Variants in RCN2 observed in about 807,000 individuals in gnomAD.
The protein encoded by RCN2 is reticulocalbin 2.
RCN2 carries 23 observed loss-of-function variants against 37.5 expected under a neutral mutation model. The observed-to-expected ratio is 0.61, with a 90% CI of 0.44 to 0.87. The LOEUF is 0.87. RCN2 is among the 40% of genes least tolerant of loss of function. RCN2 has a pLI of 0.00. For missense variants in RCN2, 381 were observed against 390.4 expected (o/e 0.98, Z 0.20); for synonymous variants, 140 against 144.6 (o/e 0.97, Z 0.23).
intron 5 of RCN2, 54 bp from the exon 6 acceptor site, chr15:76,948,356 A>G: frequency 7.7e-7 from 1 of 1,291,782 alleles, no homozygotes; most frequent in Non-Finnish European, 1.1e-6. Flanking sequence ...CAAACTTCTT[A>G]TTGGATACAT....
At chr15:76,940,545 C>CT (rs2075272554) in intron 3 of RCN2, among the ~76,000 whole-genome samples, 1 of 131,372 alleles carries the variant, frequency 7.6e-6, no homozygotes, top group South Asian at 2.4e-4. Context: ...CTGAACTTCA[C>CT]CTTTTTTTTT....
Position 76,949,071 on chromosome 15 carries a change from C to A in RCN2, c.803C>A (p.Ala268Glu), listed in dbSNP as rs539579177. Residue 268 changes from alanine to glutamate, a missense_variant and splice_region_variant, in exon 7 of 7, where the codon GCG (alanine) becomes GAG (glutamate). Physicochemically the swap from Ala to Glu is moderately radical, Grantham distance 107 (BLOSUM62 -1). Coordinates refer to ENST00000394885, the MANE Select transcript of RCN2 (RefSeq NM_002902.3). ...ACACTTTTTTGTTTTATTTTGAAGG[C>A]GCTTCATCTAATTGATGAAATGGAT... ...PNNQGIAQEE[A>E]LHLIDEMDLN... The A allele has an allele frequency of 5.0e-6, 8 of 1,590,606 alleles. No individual in the cohort carries two copies. Among genetic ancestry groups the A allele is most frequent in the Non-Finnish European group, 6.8e-6 (8 of 1,171,582 alleles).
In RCN2 at chr15:76,954,039, G is replaced by GTTTTTTTTTTTTTT. The variant is rs60194309; in HGVS notation, c.*4830_*4831insTTTTTTTTTTTTTT. On this transcript the variant is annotated 3_prime_UTR_variant, in exon 7 of 7. Coordinates refer to ENST00000394885, the MANE Select transcript of RCN2 (RefSeq NM_002902.3). ...TCCTTACCAACACTTGCTATTTTCT[G>GTTTTTTTTTTTTTT]TTTTTTTTTTTTTCTTTTTTTTTTT... The GTTTTTTTTTTTTTT allele has an allele frequency of 7.6e-6, 1 of 131,000 alleles. No individual in the cohort carries two copies. Among genetic ancestry groups the GTTTTTTTTTTTTTT allele is most frequent in the African/African-American group, 3.0e-5 (1 of 33,680 alleles). The allele number at this position is 131,000 out of a possible 1,614,324, so 8.1% of individuals were successfully genotyped here.
chr15:76,944,512 G>A (rs937737637), intron 4 of RCN2, among the ~76,000 whole-genome samples: 4 of 151,602 alleles, frequency 2.6e-5, no homozygotes, highest in African/African-American at 4.9e-5. Flanking sequence ...TGTTCTCAGC[G>A]CCCCCTCCCC....
intron 3 of RCN2, among the ~76,000 whole-genome samples, chr15:76,939,899 T>A (rs1346155195): frequency 1.3e-5 from 2 of 152,192 alleles, no homozygotes; most frequent in Non-Finnish European, 2.9e-5. Context: ...GAGAAGAAAA[T>A]CTTCACTTTG....
intron 3 of RCN2, chr15:76,941,773 T>TA: frequency 4.5e-6 from 3 of 671,610 alleles, no homozygotes; most frequent in Non-Finnish European, 6.9e-6. Context: ...TTTTTTTTTT[T>TA]AAAGAAATCT....
intron 3 of RCN2, among the ~76,000 whole-genome samples, chr15:76,937,143 T>A (rs2075254205): frequency 6.6e-6 from 1 of 152,218 alleles, no homozygotes. Flanking sequence ...AATATTCTGT[T>A]GTATGTACAG....
Position 76,951,325 on chromosome 15 carries a change from T to G in RCN2, c.*2103T>G, listed in dbSNP as rs574545577. On this transcript the variant is annotated 3_prime_UTR_variant, in exon 7 of 7. Coordinates refer to ENST00000394885, the MANE Select transcript of RCN2 (RefSeq NM_002902.3). ...ATCAGACTATCTCATGACAAACCCT[T>G]TTCCTCTGCCACAGCACTGTGCAGG... is the stretch of plus-strand genomic sequence containing the variant. 1.3e-5 allele frequency: 2 copies of G among 152,334 alleles called. No individual in the cohort carries two copies. Among genetic ancestry groups the G allele is most frequent in the East Asian group, 3.9e-4 (2 of 5,186 alleles). The allele number at this position is 152,334 out of a possible 1,614,324, so 9.4% of individuals were successfully genotyped here.
At chr15:76,946,025 G>A (rs985894403) in intron 4 of RCN2, among the ~76,000 whole-genome samples, 1 of 152,204 alleles carries the variant, frequency 6.6e-6, no homozygotes, top group Non-Finnish European at 1.5e-5. Context: ...ACCAGTAAAA[G>A]CAATGAAATA....
chr15:76,948,558 T>A lies in RCN2; in HGVS notation c.801+6T>A, dbSNP rs757394903. 11 of 1,551,220 alleles carry A rather than the reference T, an allele frequency of 7.1e-6. No individual in the cohort carries two copies. The South Asian group carries it at 1.3e-4, about 19-fold the overall frequency. ...AGGGCATTGCACAAGAGGAGGTAAGTGTTACAGAACAACTGTTTCTCTCCA... is the reference window on the plus strand; with the variant it reads ...AGGGCATTGCACAAGAGGAGGTAAGAGTTACAGAACAACTGTTTCTCTCCA... On this transcript the variant is annotated splice_donor_region_variant and intron_variant, in intron 6 of 6. Coordinates refer to ENST00000394885, the MANE Select transcript of RCN2 (RefSeq NM_002902.3).
chr15:76,940,421 T>C (rs994165763), intron 3 of RCN2, among the ~76,000 whole-genome samples: 1 of 152,056 alleles, frequency 6.6e-6, no homozygotes, highest in Admixed American at 6.6e-5. Context: ...CTCAAAGTTA[T>C]AGACTAAACA....
intron 3 of RCN2, chr15:76,941,377 G>C (rs936717504): frequency 3.4e-6 from 1 of 290,458 alleles, no homozygotes; most frequent in African/African-American, 2.2e-5. Flanking sequence ...TGGCTAATCA[G>C]AATTTTTAAT....
At chr15:76,935,761 C>A in intron 3 of RCN2, 39 bp downstream of exon 3, 1 of 1,507,560 alleles carries the variant, frequency 6.6e-7, no homozygotes, top group Non-Finnish European at 9.1e-7. Flanking sequence ...TTGATCATGT[C>A]AGTTCACTTT....
chr15:76,937,368 A>G (rs2075255697), intron 3 of RCN2, among the ~76,000 whole-genome samples: 1 of 151,432 alleles, frequency 6.6e-6, no homozygotes, highest in African/African-American at 2.4e-5. Context: ...GAGAAACCAC[A>G]GTACCATTTT....
rs1021900955 is a variant in RCN2, at chr15:76,950,946, C to T, written c.*1724C>T. On this transcript the variant is annotated 3_prime_UTR_variant, in exon 7 of 7. Coordinates refer to ENST00000394885, the MANE Select transcript of RCN2 (RefSeq NM_002902.3). Reference sequence around the variant, plus strand: ...GCTTCCACACCTTAATGACTGCTTGCTTGGGTATCTACATGGTTTTCATTT... The same window carrying T: ...GCTTCCACACCTTAATGACTGCTTGTTTGGGTATCTACATGGTTTTCATTT... 1 of 152,222 alleles carries T rather than the reference C, an allele frequency of 6.6e-6. No homozygotes were observed. Among genetic ancestry groups the T allele is most frequent in the African/African-American group, 2.4e-5 (1 of 41,456 alleles). The allele number at this position is 152,222 out of a possible 1,614,324, so 9.4% of individuals were successfully genotyped here. A position where few individuals can be genotyped will look rare whatever the true frequency, so the allele number is the denominator to read the frequency against.
chr15:76,932,771 A>G (rs2075230124), intron 2 of RCN2, among the ~76,000 whole-genome samples: 1 of 152,230 alleles, frequency 6.6e-6, no homozygotes, highest in Admixed American at 6.5e-5. Context: ...TTTTAGAGAA[A>G]TATGCCCCAA....
rs1438077989 is a variant in RCN2, at chr15:76,949,176, A to G, written c.908A>G (p.Tyr303Cys). The change falls in exon 7 of 7, where the codon TAT (tyrosine) becomes TGT (cysteine). Residue 303 changes from tyrosine to cysteine, a missense_variant. Tyr to Cys is a radical substitution (Grantham distance 194). Coordinates refer to ENST00000394885, the MANE Select transcript of RCN2 (RefSeq NM_002902.3). ...TTTCTCACCAGTGAAGCCACAGATT[A>G]TGGCAGACAGCTCCATGATGACTAT... ...DLFLTSEATD[Y>C]GRQLHDDYFY... 3.7e-6 allele frequency: 6 copies of G among 1,613,206 alleles called. No individual in the cohort carries two copies. Among genetic ancestry groups the G allele is most frequent in the Non-Finnish European group, 5.1e-6 (6 of 1,179,580 alleles).
Position 76,950,019 on chromosome 15 carries a change from T to C in RCN2, c.*797T>C, listed in dbSNP as rs1370674372. 6.6e-6 allele frequency: 1 copy of C among 152,644 alleles called. No homozygotes were observed. The highest frequency in any genetic ancestry group is 1.5e-5 in the Non-Finnish European group (1 of 68,046). The allele number at this position is 152,644 out of a possible 1,614,324, so 9.5% of individuals were successfully genotyped here. A position where few individuals can be genotyped will look rare whatever the true frequency, so the allele number is the denominator to read the frequency against. The stretch of plus-strand genomic sequence containing the variant: ...CCTTTATGTGGATAGTTCCCAAAAC[T>C]GTCAAATTATTCTTGCTGCATTTTC... On this transcript the variant is annotated 3_prime_UTR_variant, in exon 7 of 7. Coordinates refer to ENST00000394885, the MANE Select transcript of RCN2 (RefSeq NM_002902.3).
intron 6 of RCN2, 116 bp from the exon 7 acceptor site, chr15:76,948,954 A>G (rs2075307575): frequency 3.2e-6 from 3 of 926,392 alleles, no homozygotes; most frequent in East Asian, 5.0e-5. Context: ...TAGATACTTA[A>G]ACAATAATGA....
Sources: allele counts gnomAD v4.1 joint callset (sites outside exome capture counted in the v4.1 genomes callset), GRCh38; gene constraint gnomAD v4.1.1; transcripts MANE v1.5; gene names NCBI Gene and HGNC (gene_info 2026-07-23, HGNC 2026-07-21).